NCOA2: variants seen among roughly 807,000 people sequenced by gnomAD.
NCOA2 encodes the protein nuclear receptor coactivator 2, also known as class E basic helix-loop-helix protein 75.
In NCOA2, 21 loss-of-function variants were observed where a neutral mutation model predicts 145.1. That is an observed-to-expected ratio of 0.14 (90% CI 0.10 to 0.21). NCOA2 has a LOEUF of 0.21. Among genes scored for constraint, NCOA2 ranks in the 10% least tolerant of loss-of-function variants. The pLI, the probability that NCOA2 is intolerant of heterozygous loss-of-function variation, is 1.00. For synonymous variants in NCOA2, 619 were observed against 637.5 expected (o/e 0.97, Z 0.44); for missense variants, 1,472 against 1,837.6 (o/e 0.80, Z 3.64).
intron 4 of NCOA2, among the ~76,000 whole-genome samples, chr8:70,196,820 G>A (rs1004053026): frequency 6.6e-6 from 1 of 152,198 alleles, no homozygotes; most frequent in Non-Finnish European, 1.5e-5. Context: ...TTCTCAGGTA[G>A]GTAATGGAAT....
intron 2 of NCOA2, among the ~76,000 whole-genome samples, chr8:70,266,297 G>C (rs1824584883): frequency 6.6e-6 from 1 of 152,192 alleles, no homozygotes; most frequent in South Asian, 2.1e-4. Flanking sequence ...TGAGTAGGCG[G>C]GACTACAGGT....
chr8:70,420,879 A>G, the NCOA2 span, among the ~76,000 whole-genome samples: 3 of 152,040 alleles, frequency 2.0e-5, no homozygotes, highest in East Asian at 3.9e-4. Flanking sequence ...TCTTGACCTC[A>G]TGATCTGCCT....
At chr8:70,232,076 T>C (rs189031919) in intron 2 of NCOA2, among the ~76,000 whole-genome samples, 141 of 152,312 alleles carry the variant, frequency 9.3e-4, no homozygotes, top group Middle Eastern at 6.8e-3. Context: ...GCCCTGAACC[T>C]TGTTATTACG....
chr8:70,422,900 T>C, the NCOA2 span, among the ~76,000 whole-genome samples: 1 of 152,180 alleles, frequency 6.6e-6, no homozygotes, highest in African/African-American at 2.4e-5. Context: ...TCTTTTGAGA[T>C]GAGGTCTTGC....
intron 1 of NCOA2, among the ~76,000 whole-genome samples, chr8:70,392,318 GCA>G (rs1554643224): frequency 6.6e-6 from 1 of 152,190 alleles, no homozygotes; most frequent in Non-Finnish European, 1.5e-5. Flanking sequence ...CATCTGAGTC[GCA>G]CAGTGTTTCT....
intron 4 of NCOA2, among the ~76,000 whole-genome samples, chr8:70,196,060 G>C (rs116408111): frequency 6.6e-6 from 1 of 152,182 alleles, no homozygotes; most frequent in Non-Finnish European, 1.5e-5. Flanking sequence ...AGGAATTCTC[G>C]CATCTGGAGG....
chr8:70,209,842 C>T (rs934343697), intron 4 of NCOA2, among the ~76,000 whole-genome samples: 3 of 152,106 alleles, frequency 2.0e-5, no homozygotes, highest in African/African-American at 7.2e-5. Context: ...ATTTTATATT[C>T]GCTTTATGGT....
chr8:70,402,273 G>A (rs926883216), intron 1 of NCOA2: 8 of 152,538 alleles, frequency 5.2e-5, no homozygotes, highest in African/African-American at 1.4e-4. Flanking sequence ...GGTGGAGAGG[G>A]AGTGGGATTA....
chr8:70,441,456 GAA>G, the NCOA2 span, among the ~76,000 whole-genome samples: 5 of 136,638 alleles, frequency 3.7e-5, no homozygotes, highest in African/African-American at 8.1e-5. Flanking sequence ...AAAAAAGAAA[GAA>G]AAGAAAGAGA....
At chr8:70,380,961 G>A (rs141384907) in intron 1 of NCOA2, among the ~76,000 whole-genome samples, 56 of 151,656 alleles carry the variant, frequency 3.7e-4, no homozygotes, top group African/African-American at 1.3e-3. Flanking sequence ...CTGTGGTCCC[G>A]ACTACTTGGG....
At chr8:70,303,617 T>G (rs1827663998) in intron 1 of NCOA2, among the ~76,000 whole-genome samples, 1 of 152,194 alleles carries the variant, frequency 6.6e-6, no homozygotes, top group Non-Finnish European at 1.5e-5. Context: ...TACTAAAATT[T>G]ATCTTCTCCT....
chr8:70,124,630 G>C (rs1808201292), intron 20 of NCOA2, 58 bp downstream of exon 20: 1 of 1,482,482 alleles, frequency 6.7e-7, no homozygotes, highest in Non-Finnish European at 9.1e-7. Flanking sequence ...CATGAAGGTG[G>C]GGGATGTCCT....
At chr8:70,288,986 C>A (rs1826461870) in intron 2 of NCOA2, among the ~76,000 whole-genome samples, 1 of 152,122 alleles carries the variant, frequency 6.6e-6, no homozygotes, top group Admixed American at 6.5e-5. Context: ...AAAATAAAAT[C>A]TACTGTTTTA....
At chr8:70,383,857 A>G (rs545878284) in intron 1 of NCOA2, among the ~76,000 whole-genome samples, 1 of 152,312 alleles carries the variant, frequency 6.6e-6, no homozygotes, top group Non-Finnish European at 1.5e-5. Context: ...TCTAAGAAAA[A>G]AAAAGTTTAT....
chr8:70,301,193 T>C (rs908837321), intron 1 of NCOA2, among the ~76,000 whole-genome samples: 12 of 152,206 alleles, frequency 7.9e-5, no homozygotes, highest in Admixed American at 3.3e-4. Flanking sequence ...TTTGGTATAG[T>C]ACTAACAAGA....
chr8:70,327,118 T>C (rs1017886554), intron 1 of NCOA2, among the ~76,000 whole-genome samples: 1 of 152,238 alleles, frequency 6.6e-6, no homozygotes, highest in Admixed American at 6.5e-5. Context: ...CTCGAGGAGA[T>C]TAATACATTC....
intron 1 of NCOA2, among the ~76,000 whole-genome samples, chr8:70,391,172 T>C (rs1403192932): frequency 6.6e-6 from 1 of 152,086 alleles, no homozygotes; most frequent in Non-Finnish European, 1.5e-5. Context: ...AGTTATGAAG[T>C]AGTCAAGTAT....
intron 2 of NCOA2, among the ~76,000 whole-genome samples, chr8:70,275,865 T>A (rs1223217602): frequency 6.6e-6 from 1 of 152,212 alleles, no homozygotes; most frequent in Non-Finnish European, 1.5e-5. Flanking sequence ...ACGATGGTTC[T>A]TATGCTTAAA....
At chr8:70,150,163 CA>C (rs1428781727) in intron 11 of NCOA2, among the ~76,000 whole-genome samples, 1 of 152,168 alleles carries the variant, frequency 6.6e-6, no homozygotes, top group Non-Finnish European at 1.5e-5. Context: ...ATTGTTAGAG[CA>C]ATTACAAGAC....
Sources: allele counts gnomAD v4.1 joint callset (sites outside exome capture counted in the v4.1 genomes callset), GRCh38; gene constraint gnomAD v4.1.1; transcripts MANE v1.5; gene names NCBI Gene and HGNC (gene_info 2026-07-23, HGNC 2026-07-21).